Variants in ATG7 observed in about 807,000 individuals in gnomAD.
ATG7 encodes the protein ubiquitin-like modifier-activating enzyme ATG7.
Under a neutral mutation model 82.4 loss-of-function variants are expected in ATG7, and 70 were observed. The ratio of observed to expected loss-of-function variants is 0.85; its 90% CI spans 0.70 to 1.04. ATG7 has a LOEUF of 1.04. Among genes scored for constraint, ATG7 ranks in the 50% least tolerant of loss-of-function variants. The pLI, the probability that ATG7 is intolerant of heterozygous loss-of-function variation, is 0.00. For missense variants in ATG7, 792 were observed against 864.3 expected (o/e 0.92, Z 1.05); for synonymous variants, 287 against 313.0 (o/e 0.92, Z 0.88).
chr3:11,314,206 G>A (rs940910251), intron 8 of ATG7, among the ~76,000 whole-genome samples: 32 of 152,146 alleles, frequency 2.1e-4, no homozygotes, highest in East Asian at 1.9e-4. Context: ...ATTAGAGATG[G>A]TTCCCAGAAG....
intron 20 of ATG7, among the ~76,000 whole-genome samples, chr3:11,540,986 G>A (rs2070778595): frequency 1.4e-5 from 2 of 147,890 alleles, no homozygotes; most frequent in Middle Eastern, 3.7e-3. Context: ...TGCAAGCTCC[G>A]CCTCCCAGGT....
chr3:11,331,443 G>A lies in ATG7; in HGVS notation c.767+15G>A. On this transcript the variant is annotated intron_variant, in intron 10 of 20. Transcript: ENST00000693202. ...GCCCACAGATGGTATTTACAAGAGT[G>A]TGTGTTTGTCTGTCTGTCTGCCTTT... 1 of 1,560,706 alleles carries A rather than the reference G, an allele frequency of 6.4e-7. No individual in the cohort carries two copies. The highest frequency in any genetic ancestry group is 8.8e-7 in the Non-Finnish European group (1 of 1,131,608).
chr3:11,485,615 A>C (rs1003029362), intron 20 of ATG7, among the ~76,000 whole-genome samples: 22 of 152,274 alleles, frequency 1.4e-4, no homozygotes, highest in African/African-American at 4.6e-4. Context: ...AAGTTCTTGC[A>C]CATGCCTATG....
intron 20 of ATG7, among the ~76,000 whole-genome samples, chr3:11,441,670 A>T (rs12163595): frequency 0.028 from 3,075 of 109,642 alleles, 54 homozygotes; most frequent in African/African-American, 0.044. Context: ...TTTTTTTTTA[A>T]TTTTTTTTTT....
chr3:11,333,733 G>A (rs1951973139), intron 11 of ATG7, among the ~76,000 whole-genome samples: 1 of 150,918 alleles, frequency 6.6e-6, no homozygotes, highest in Admixed American at 6.6e-5. Context: ...ATAATGCCCA[G>A]CTCCGGATAT....
intron 19 of ATG7, among the ~76,000 whole-genome samples, chr3:11,397,983 C>T (rs2079465441): frequency 6.6e-6 from 1 of 150,748 alleles, no homozygotes; most frequent in East Asian, 2.0e-4. Context: ...ACTTGGGAGG[C>T]TAAGGCAGGA....
At chr3:11,318,491 A>G (rs887206095) in intron 9 of ATG7, among the ~76,000 whole-genome samples, 1 of 152,206 alleles carries the variant, frequency 6.6e-6, no homozygotes. Flanking sequence ...TGATGGCCTC[A>G]TAGGAGTTTT....
At chr3:11,559,460 G>A (rs747972648), downstream of ATG7, 46 of 1,552,408 alleles carry the variant, frequency 3.0e-5, 1 homozygote, top group South Asian at 4.8e-5. Context: ...CCGGTTCTGC[G>A]GGGAGGAGGG....
At chr3:11,457,232 A>G (rs1291548288) in intron 20 of ATG7, among the ~76,000 whole-genome samples, 1 of 152,202 alleles carries the variant, frequency 6.6e-6, no homozygotes, top group Non-Finnish European at 1.5e-5. Flanking sequence ...GGATGAGGTT[A>G]GAAGTATTGT....
the ATG7 span, chr3:11,564,768 C>T: frequency 6.5e-7 from 1 of 1,532,152 alleles, no homozygotes; most frequent in Non-Finnish European, 8.7e-7. Context: ...CCTGGACTCC[C>T]CACGCCACCC....
At chr3:11,540,474 A>ATAAAAAC (rs2070722813) in intron 20 of ATG7, among the ~76,000 whole-genome samples, 2 of 4,446 alleles carry the variant, frequency 4.5e-4, no homozygotes, top group Non-Finnish European at 7.5e-4. Context: ...CCCTATCTCT[A>ATAAAAAC]TAAAAAATAA....
chr3:11,517,362 GAAAAGA>G (rs1382904599), intron 20 of ATG7, among the ~76,000 whole-genome samples: 1 of 151,258 alleles, frequency 6.6e-6, no homozygotes, highest in East Asian at 1.9e-4. Flanking sequence ...GAAAAGAAAA[GAAAAGA>G]AAAAAACAAT....
At chr3:11,469,172 G>A (rs1409938206) in intron 20 of ATG7, among the ~76,000 whole-genome samples, 4 of 152,168 alleles carry the variant, frequency 2.6e-5, no homozygotes, top group South Asian at 4.1e-4. Flanking sequence ...AAATAAGGCC[G>A]GGTGCAGTGG....
intron 11 of ATG7, among the ~76,000 whole-genome samples, chr3:11,335,948 C>T (rs1334705311): frequency 2.0e-5 from 3 of 151,764 alleles, no homozygotes; most frequent in South Asian, 2.1e-4. Context: ...CCACCCGCCT[C>T]GGCCTCCCAA....
intron 9 of ATG7, among the ~76,000 whole-genome samples, chr3:11,316,680 C>T (rs750018188): frequency 6.6e-6 from 1 of 152,186 alleles, no homozygotes; most frequent in African/African-American, 2.4e-5. Context: ...TAGTACTTGT[C>T]TGAGGCCCTC....
chr3:11,527,638 A>G lies in ATG7; in HGVS notation c.2080-27173A>G, dbSNP rs149006119. Reference sequence around the variant, plus strand: ...GTCATAGGCATGAGAGTTACAATGTATGCCCCACAATCATATAGAAGGCAA... The same window carrying G: ...GTCATAGGCATGAGAGTTACAATGTGTGCCCCACAATCATATAGAAGGCAA... On this transcript the variant is annotated intron_variant, in intron 20 of 20. Transcript: ENST00000693202. Among the ~76,000 whole-genome samples the G allele has an allele frequency of 2.8e-4, 43 of 152,330 alleles. No homozygotes were observed. The East Asian group carries it at 7.9e-3, about 28-fold the overall frequency.
At chr3:11,552,951 C>T (rs182285134) in intron 20 of ATG7, among the ~76,000 whole-genome samples, 65 of 152,350 alleles carry the variant, frequency 4.3e-4, no homozygotes, top group Admixed American at 9.2e-4. Flanking sequence ...AGCCCAGCCC[C>T]GGCCCAGGCC....
chr3:11,511,968 C>G (rs1470680341), intron 20 of ATG7, among the ~76,000 whole-genome samples: 3 of 152,152 alleles, frequency 2.0e-5, no homozygotes, highest in African/African-American at 4.8e-5. Flanking sequence ...GGTTCCCGCT[C>G]GTGCCTCTCC....
intron 9 of ATG7, among the ~76,000 whole-genome samples, chr3:11,329,370 G>C (rs1193520915): frequency 6.6e-6 from 1 of 152,144 alleles, no homozygotes; most frequent in Non-Finnish European, 1.5e-5. Flanking sequence ...ACTGGATCTA[G>C]ATTTAACAAA....
Sources: allele counts gnomAD v4.1 joint callset (sites outside exome capture counted in the v4.1 genomes callset), GRCh38; gene constraint gnomAD v4.1.1; transcripts MANE v1.5; gene names NCBI Gene and HGNC (gene_info 2026-07-23, HGNC 2026-07-21).